Variants in PTPRG observed in about 807,000 individuals in gnomAD.
The protein encoded by PTPRG is receptor-type tyrosine-protein phosphatase gamma.
Under a neutral mutation model 165.3 loss-of-function variants are expected in PTPRG, and 102 were observed. That is an observed-to-expected ratio of 0.62 (90% CI 0.53 to 0.73). The LOEUF (loss-of-function observed/expected upper bound fraction) is 0.73. Ranked by LOEUF, PTPRG falls within the 30% of genes least tolerant of loss-of-function variation. The pLI, the probability that PTPRG is intolerant of heterozygous loss-of-function variation, is 0.00. For missense variants in PTPRG, 1,866 were observed against 1,861.4 expected (o/e 1.00, Z -0.05); for synonymous variants, 675 against 669.5 (o/e 1.01, Z -0.13).
At chr3:62,283,071 C>T (rs1238714732) in intron 28 of PTPRG, among the ~76,000 whole-genome samples, 1 of 152,006 alleles carries the variant, frequency 6.6e-6, no homozygotes, top group Non-Finnish European at 1.5e-5. Context: ...TCCAAGACTC[C>T]AGGTTCTTCT....
intron 1 of PTPRG, among the ~76,000 whole-genome samples, chr3:61,627,103 ATTT>A (rs11411048): frequency 1.3e-5 from 2 of 150,012 alleles, no homozygotes; most frequent in South Asian, 2.1e-4. Context: ...TTAAAAGCAA[ATTT>A]TTTTTTTTGA....
At chr3:62,034,998 G>A (rs181580332) in intron 4 of PTPRG, among the ~76,000 whole-genome samples, 7 of 152,232 alleles carry the variant, frequency 4.6e-5, no homozygotes, top group Non-Finnish European at 8.8e-5. Context: ...AATATTAAAC[G>A]TTCCAAGGCG....
At chr3:61,898,484 T>C (rs773840750) in intron 2 of PTPRG, among the ~76,000 whole-genome samples, 68 of 152,240 alleles carry the variant, frequency 4.5e-4, no homozygotes, top group Non-Finnish European at 7.6e-4. Context: ...CTAGAGGTTA[T>C]GCTTTAGATA....
At chr3:62,062,469 TG>T (rs1250265575) in intron 4 of PTPRG, among the ~76,000 whole-genome samples, 2 of 152,126 alleles carry the variant, frequency 1.3e-5, no homozygotes, top group East Asian at 3.9e-4. Flanking sequence ...AATAAAATGT[TG>T]GGGGGAAAGC....
intron 2 of PTPRG, among the ~76,000 whole-genome samples, chr3:61,768,351 T>A (rs778647540): frequency 2.0e-4 from 30 of 152,224 alleles, no homozygotes; most frequent in Non-Finnish European, 4.4e-4. Context: ...ACCTAGAGAT[T>A]TAAATAATTT....
At chr3:61,756,966 C>CA (rs2106948782) in intron 2 of PTPRG, among the ~76,000 whole-genome samples, 1 of 152,300 alleles carries the variant, frequency 6.6e-6, no homozygotes, top group South Asian at 2.1e-4. Context: ...TTTCATCCAG[C>CA]ACTTCTGCTT....
chr3:61,685,523 A>G (rs1256083218), intron 1 of PTPRG, among the ~76,000 whole-genome samples: 3 of 152,336 alleles, frequency 2.0e-5, no homozygotes, highest in Admixed American at 6.5e-5. Context: ...GATCTGCCAT[A>G]GTGGACAGAA....
intron 12 of PTPRG, among the ~76,000 whole-genome samples, chr3:62,206,000 T>C (rs887624925): frequency 1.3e-5 from 2 of 152,164 alleles, no homozygotes; most frequent in Non-Finnish European, 2.9e-5. Context: ...GGACTTGGAA[T>C]TGACTTTCAA....
intron 14 of PTPRG, among the ~76,000 whole-genome samples, chr3:62,242,435 A>G (rs1292091993): frequency 6.6e-6 from 1 of 152,228 alleles, no homozygotes; most frequent in Admixed American, 6.5e-5. Context: ...ATGGAGCAGC[A>G]GTCTAGATTG....
chr3:61,593,790 A>G (rs377203897), intron 1 of PTPRG, among the ~76,000 whole-genome samples: 1 of 152,074 alleles, frequency 6.6e-6, no homozygotes. Context: ...AAAGTGCTTG[A>G]AAAGTAATAT....
chr3:61,874,790 G>C (rs1027843101), intron 2 of PTPRG, among the ~76,000 whole-genome samples: 5 of 152,188 alleles, frequency 3.3e-5, no homozygotes, highest in Non-Finnish European at 7.3e-5. Context: ...TAACAGAGCT[G>C]AGGATGAGAC....
intron 1 of PTPRG, among the ~76,000 whole-genome samples, chr3:61,693,440 A>G (rs933729784): frequency 6.6e-6 from 1 of 152,166 alleles, no homozygotes; most frequent in African/African-American, 2.4e-5. Context: ...AATTGAATAC[A>G]TGTTCTTATC....
chr3:62,281,301 A>G (rs1355156061), intron 26 of PTPRG, among the ~76,000 whole-genome samples: 2 of 152,008 alleles, frequency 1.3e-5, no homozygotes, highest in Non-Finnish European at 1.5e-5. Context: ...TCTCAACTGT[A>G]ATAAGTCCCC....
chr3:61,677,076 C>G (rs1414321490), intron 1 of PTPRG, among the ~76,000 whole-genome samples: 1 of 151,970 alleles, frequency 6.6e-6, no homozygotes, highest in Non-Finnish European at 1.5e-5. Context: ...GAAACCCCAT[C>G]TCTACTAAAA....
chr3:62,200,335 A>G (rs1016103790), intron 10 of PTPRG, among the ~76,000 whole-genome samples: 4 of 152,078 alleles, frequency 2.6e-5, no homozygotes, highest in Non-Finnish European at 4.4e-5. Flanking sequence ...CAATGATGCA[A>G]TCTCTGCTCA....
At position 62,078,158 on chromosome 3, in the gene PTPRG, TA is replaced by T. The variant is rs755354293; in HGVS notation, c.520-4del. The T allele has an allele frequency of 6.3e-7, 1 of 1,575,960 alleles. No homozygotes were observed. Among genetic ancestry groups the T allele is most frequent in the Non-Finnish European group, 8.7e-7 (1 of 1,153,054 alleles). ...CCTAATACATTTTTTTAATTGTTCT[TA>T]CAGATGCAGATTTTCTTTTACAATC... is the stretch of plus-strand genomic sequence containing the variant. On this transcript the variant is annotated splice_region_variant and splice_polypyrimidine_tract_variant and intron_variant, in intron 4 of 29. Coordinates refer to ENST00000474889, the MANE Select transcript of PTPRG (RefSeq NM_002841.4).
intron 2 of PTPRG, among the ~76,000 whole-genome samples, chr3:61,917,796 G>A (rs533274804): frequency 6.6e-6 from 1 of 152,292 alleles, no homozygotes; most frequent in East Asian, 1.9e-4. Flanking sequence ...ATCCGGGTGT[G>A]GTGGCGGACG....
chr3:61,608,610 G>A (rs376559661), intron 1 of PTPRG, among the ~76,000 whole-genome samples: 10 of 152,282 alleles, frequency 6.6e-5, no homozygotes, highest in African/African-American at 2.4e-4. Context: ...ATTCTTGTTC[G>A]ACTTCTTTGA....
At chr3:61,713,851 A>G (rs1306074481) in intron 1 of PTPRG, among the ~76,000 whole-genome samples, 5 of 152,180 alleles carry the variant, frequency 3.3e-5, no homozygotes, top group Admixed American at 6.5e-5. Flanking sequence ...CCATTTGTTA[A>G]TAGACATTGT....
Sources: gnomAD v4.1 joint callset for allele counts (sites outside exome capture counted in the v4.1 genomes callset) on GRCh38, gnomAD v4.1.1 for gene constraint, MANE v1.5 for transcripts, NCBI Gene and HGNC (gene_info 2026-07-23, HGNC 2026-07-21) for gene names.